CSMD1: variants seen among roughly 807,000 people sequenced by gnomAD.
The protein encoded by CSMD1 is CUB and Sushi multiple domains 1.
CSMD1 carries 213 observed loss-of-function variants against 417.5 expected under a neutral mutation model. The observed-to-expected ratio is 0.51, with a 90% confidence interval of 0.46 to 0.57. The LOEUF (loss-of-function observed/expected upper bound fraction) is 0.57. CSMD1 is among the 20% of genes least tolerant of loss of function. CSMD1 has a pLI of 0.00. For missense variants in CSMD1, 6,923 were observed against 4,529.7 expected (o/e 1.53, Z -15.17); for synonymous variants, 2,862 against 1,736.8 (o/e 1.65, Z -16.11).
rs192697814 is a variant in CSMD1, at chr8:4,501,661, C to A, written c.303-81596G>T. On this transcript the variant is annotated intron_variant, in intron 2 of 69. Coordinates refer to ENST00000635120, the MANE Select transcript of CSMD1 (RefSeq NM_033225.6). ...CTAGCGCCATCCCACTCCATCCCAGCCAGGACATGAATCATTCCTTTGTCC... is the reference window on the plus strand; with the variant it reads ...CTAGCGCCATCCCACTCCATCCCAGACAGGACATGAATCATTCCTTTGTCC... Among the ~76,000 whole-genome samples the A allele has an allele frequency of 1.3e-3, 191 of 152,276 alleles. 4 individuals are homozygous for A. The highest frequency in any genetic ancestry group is 0.012 in the Admixed American group (191 of 15,288).
chr8:3,462,638 T>C (rs954438967), intron 12 of CSMD1, among the ~76,000 whole-genome samples: 1 of 151,936 alleles, frequency 6.6e-6, no homozygotes, highest in South Asian at 2.1e-4. Context: ...TTATGGAGAG[T>C]TGTATAATTA....
rs1364673041 is a variant in CSMD1, at chr8:3,387,647, C to T, written c.2629G>A (p.Gly877Ser). The T allele has an allele frequency of 6.2e-7, 1 of 1,600,476 alleles. No homozygotes were observed. Among genetic ancestry groups the T allele is most frequent in the East Asian group, 2.3e-5 (1 of 44,156 alleles). ...TGGCGATGGCCGTTCACAGGGATGC[C>T]CGGGTCCAGGCAGGAATCCGACTCA... is the stretch of plus-strand genomic sequence containing the variant. ...TLESDSCLDP[G>S]IPVNGHRHGG... Residue 877 changes from glycine (G) to serine (S), a missense_variant, in exon 18 of 70, where the codon GGC (glycine) becomes AGC (serine). By Grantham distance (56) the Gly-to-Ser change is moderately conservative (BLOSUM62 0). Transcript: ENST00000635120.
At chr8:3,774,622 T>A (rs1469077661) in intron 5 of CSMD1, among the ~76,000 whole-genome samples, 1 of 152,180 alleles carries the variant, frequency 6.6e-6, no homozygotes. Context: ...TTTCAAATTC[T>A]CACTATCTTT....
intron 5 of CSMD1, among the ~76,000 whole-genome samples, chr8:3,850,283 T>C (rs1803807588): frequency 6.6e-6 from 1 of 152,114 alleles, no homozygotes; most frequent in Non-Finnish European, 1.5e-5. Context: ...ATGTGCACAG[T>C]GTTCTCTATT....
intron 2 of CSMD1, among the ~76,000 whole-genome samples, chr8:4,432,377 T>C (rs1009882465): frequency 5.3e-5 from 8 of 152,256 alleles, no homozygotes; most frequent in Admixed American, 5.2e-4. Context: ...AACTTAGTGA[T>C]TAACCTACAC....
chr8:2,938,251 G>A lies in CSMD1; in HGVS notation c.*334C>T, dbSNP rs1199476726. On this transcript the variant is annotated 3_prime_UTR_variant, in exon 70 of 70. Coordinates refer to ENST00000635120, the MANE Select transcript of CSMD1 (RefSeq NM_033225.6). Reference sequence around the variant, plus strand: ...CGAGCCCAGACGATTGCATTGAAAGGCATCTCAGCAACACAGAAATATGAA... The same window carrying A: ...CGAGCCCAGACGATTGCATTGAAAGACATCTCAGCAACACAGAAATATGAA... 7 of 234,152 alleles carry A rather than the reference G, an allele frequency of 3.0e-5. No individual in the cohort carries two copies. Among genetic ancestry groups the A allele is most frequent in the Admixed American group, 1.1e-4 (2 of 18,144 alleles). The allele number at this position is 234,152 out of a possible 1,614,324, so 14.5% of individuals were successfully genotyped here.
chr8:4,329,406 A>G (rs1308832306), intron 3 of CSMD1, among the ~76,000 whole-genome samples: 1 of 152,026 alleles, frequency 6.6e-6, no homozygotes, highest in East Asian at 1.9e-4. Context: ...CTCCCACCGC[A>G]GCCTCCCGGG....
intron 1 of CSMD1, among the ~76,000 whole-genome samples, chr8:4,696,958 G>A (rs1047289173): frequency 2.0e-5 from 3 of 152,132 alleles, no homozygotes; most frequent in Admixed American, 2.0e-4. Context: ...TAGATCATGA[G>A]GTCAGCAGTT....
In CSMD1 at chr8:3,260,873, G is replaced by A. The variant is rs532667831; in HGVS notation, c.4153+23271C>T. On this transcript the variant is annotated intron_variant, in intron 26 of 69. Transcript: ENST00000635120. ...GGATGGAAAGACAAGCTACAGACTG[G>A]GAGAAAATGCTTGAAAGCCACGTAT... 1.6e-3 allele frequency among the ~76,000 whole-genome samples: 245 copies of A among 152,232 alleles called. 1 individual carries two copies. Among genetic ancestry groups the A allele is most frequent in the African/African-American group, 5.8e-3 (240 of 41,546 alleles).
chr8:3,855,878 G>A (rs1290132652), intron 5 of CSMD1, among the ~76,000 whole-genome samples: 1 of 152,098 alleles, frequency 6.6e-6, no homozygotes, highest in Non-Finnish European at 1.5e-5. Context: ...TGGAAACATT[G>A]TCTTATTTTC....
chr8:4,351,502 AAAATTGACAGAACTT>A (rs1272537749), intron 3 of CSMD1, among the ~76,000 whole-genome samples: 1 of 152,254 alleles, frequency 6.6e-6, no homozygotes, highest in African/African-American at 2.4e-5. Flanking sequence ...GATTAGGAAG[AAAATTGACAGAACTT>A]AAATTGTGAG....
chr8:4,982,681 T>A (rs548495630), intron 1 of CSMD1, among the ~76,000 whole-genome samples: 52 of 152,346 alleles, frequency 3.4e-4, no homozygotes, highest in African/African-American at 1.3e-3. Flanking sequence ...GGACTCTTTT[T>A]AAAAGACCTA....
At chr8:4,201,369 T>G (rs1341930606) in intron 3 of CSMD1, among the ~76,000 whole-genome samples, 2 of 151,732 alleles carry the variant, frequency 1.3e-5, no homozygotes, top group African/African-American at 4.8e-5. Context: ...AAACCCCATC[T>G]CTACTAAAAA....
chr8:2,977,977 G>A (rs1404569731), intron 55 of CSMD1, among the ~76,000 whole-genome samples: 1 of 152,162 alleles, frequency 6.6e-6, no homozygotes, highest in Admixed American at 6.5e-5. Flanking sequence ...ACTGTTGGTG[G>A]AATGTAAATT....
chr8:4,626,751 A>C (rs142259545), intron 2 of CSMD1, among the ~76,000 whole-genome samples: 37 of 152,244 alleles, frequency 2.4e-4, no homozygotes, highest in African/African-American at 8.7e-4. Context: ...AAGAAAATAT[A>C]TGAAGGCTTT....
intron 3 of CSMD1, among the ~76,000 whole-genome samples, chr8:4,148,022 C>T (rs919263834): frequency 6.6e-6 from 1 of 152,032 alleles, no homozygotes; most frequent in African/African-American, 2.4e-5. Flanking sequence ...GATTGTTTCC[C>T]ATAGTCTGTT....
intron 1 of CSMD1, among the ~76,000 whole-genome samples, chr8:4,666,058 G>A (rs994284232): frequency 2.6e-5 from 4 of 152,056 alleles, no homozygotes; most frequent in Admixed American, 2.0e-4. Context: ...CATAGTAACT[G>A]GCACATAGGA....
intron 23 of CSMD1, among the ~76,000 whole-genome samples, chr8:3,329,353 G>T (rs952267825): frequency 6.6e-6 from 1 of 152,062 alleles, no homozygotes; most frequent in East Asian, 1.9e-4. Context: ...CAGCGTGACA[G>T]AGCCCAGTTC....
chr8:3,691,478 T>C (rs1020278486), intron 7 of CSMD1, among the ~76,000 whole-genome samples: 1 of 152,190 alleles, frequency 6.6e-6, no homozygotes, highest in African/African-American at 2.4e-5. Flanking sequence ...GTAATTTCTA[T>C]TTCAATGTTT....
Sources: allele counts gnomAD v4.1 joint callset (sites outside exome capture counted in the v4.1 genomes callset), GRCh38; gene constraint gnomAD v4.1.1; transcripts MANE v1.5; gene names NCBI Gene and HGNC (gene_info 2026-07-23, HGNC 2026-07-21).